The following C19orf67 variants were observed in gnomAD, a reference collection of about 807,000 sequenced individuals.
C19orf67 encodes UPF0575 protein C19orf67.
C19orf67 carries 28 observed loss-of-function variants against 41.4 expected under a neutral mutation model. The ratio of observed to expected loss-of-function variants is 0.68; its 90% CI spans 0.50 to 0.93. C19orf67 has a LOEUF of 0.93. Ranked by LOEUF, C19orf67 falls within the 40% of genes least tolerant of loss-of-function variation. C19orf67 has a pLI of 0.00. For missense variants in C19orf67, 421 were observed against 467.0 expected (o/e 0.90, Z 0.91); for synonymous variants, 242 against 203.4 (o/e 1.19, Z -1.62).
At chr19:14,082,037 G>A in intron 5 of C19orf67, 29 bp from the exon 6 acceptor site, 6 of 1,454,012 alleles carry the variant, frequency 4.1e-6, no homozygotes, top group Non-Finnish European at 5.4e-6. Context: ...GGATAGACAG[G>A]CCTGGACTTG....
Position 14,085,642 on chromosome 19 carries a change from G to A in C19orf67, c.-15C>T. 1 of 1,511,686 alleles carries A rather than the reference G, an allele frequency of 6.6e-7. No homozygotes were observed. Among genetic ancestry groups the A allele is most frequent in the South Asian group, 1.2e-5 (1 of 83,542 alleles). 93.6% of individuals were successfully genotyped at this position (1,511,686 alleles called of 1,614,324 possible). ...TCTGTAGCCATGGTAGGGCCGGGGGGCGGGAACCTGAGCTCTTTAAGCTTC... is the reference window on the plus strand; with the variant it reads ...TCTGTAGCCATGGTAGGGCCGGGGGACGGGAACCTGAGCTCTTTAAGCTTC... On this transcript the variant is annotated 5_prime_UTR_variant, in exon 1 of 6. Coordinates refer to ENST00000548523, the MANE Select transcript of C19orf67 (RefSeq NM_001277378.2).
At chr19:14,084,439 G>A (rs1336681218) in intron 1 of C19orf67, among the ~76,000 whole-genome samples, 3 of 150,524 alleles carry the variant, frequency 2.0e-5, no homozygotes, top group Non-Finnish European at 4.4e-5. Context: ...CCTGGGAGGC[G>A]GAGGTTGCAG....
At chr19:14,083,175 G>C (rs1976794925) in intron 4 of C19orf67, 62 bp downstream of exon 4, 2 of 1,417,086 alleles carry the variant, frequency 1.4e-6, no homozygotes, top group Non-Finnish European at 1.9e-6. Flanking sequence ...TGACGGTTTG[G>C]AGGGTCATAT....
rs1976846231 is a variant in C19orf67 at position 14,085,636 on chromosome 19, C to T, written c.-9G>A. On this transcript the variant is annotated 5_prime_UTR_variant, in exon 1 of 6. Transcript: ENST00000548523. The stretch of plus-strand genomic sequence containing the variant: ...CACTGCTCTGTAGCCATGGTAGGGC[C>T]GGGGGGCGGGAACCTGAGCTCTTTA... The T allele has an allele frequency of 3.9e-6, 5 of 1,290,468 alleles. No individual in the cohort carries two copies. The highest frequency in any genetic ancestry group is 1.3e-5 in the South Asian group (1 of 79,032). The allele number at this position is 1,290,468 out of a possible 1,614,324, so 79.9% of individuals were successfully genotyped here.
rs954182795 is a variant in C19orf67 at position 14,081,714 on chromosome 19, C to T, written c.*120G>A. The stretch of plus-strand genomic sequence containing the variant: ...CGGACTCGGTGCAGACAGGTCAGCT[C>T]GGCCTGGCCCTTTGGAAGGCGAGGC... On this transcript the variant is annotated 3_prime_UTR_variant, in exon 6 of 6. Transcript: ENST00000548523. 2.4e-5 allele frequency: 21 copies of T among 865,202 alleles called. No homozygotes were observed. Among genetic ancestry groups the T allele is most frequent in the Non-Finnish European group, 3.5e-5 (21 of 603,810 alleles). 53.6% of individuals were successfully genotyped at this position (865,202 alleles called of 1,614,324 possible).
Position 14,083,126 on chromosome 19 carries a change from C to T in C19orf67, c.767+111G>A, listed in dbSNP as rs1366986507. ...AAAGTGTTGGGATTACAGGCGTGAG[C>T]CACTGCCTCGGGCCCTGGCTCACTT... On this transcript the variant is annotated intron_variant, in intron 4 of 5. Transcript: ENST00000548523. 2.7e-5 allele frequency: 25 copies of T among 924,682 alleles called. No individual in the cohort carries two copies. In the South Asian group the frequency reaches 3.4e-4, roughly 13 times the overall value. 57.3% of individuals were successfully genotyped at this position (924,682 alleles called of 1,614,324 possible). A position where few individuals can be genotyped will look rare whatever the true frequency, so the allele number is the denominator to read the frequency against.
intron 4 of C19orf67, among the ~76,000 whole-genome samples, chr19:14,082,811 A>AGAG (rs1398438577): frequency 2.0e-5 from 3 of 151,656 alleles, no homozygotes; most frequent in Non-Finnish European, 4.4e-5. Context: ...TTAAGAAAAT[A>AGAG]GAGGTAGCCT....
Position 14,085,348 on chromosome 19 carries a change from G to T in C19orf67, c.280C>A (p.Gln94Lys). The T allele has an allele frequency of 6.5e-7, 1 of 1,536,230 alleles. No individual in the cohort carries two copies. Among genetic ancestry groups the T allele is most frequent in the Non-Finnish European group, 8.7e-7 (1 of 1,146,930 alleles). Residue 94 changes from glutamine to lysine, a missense_variant, in exon 1 of 6, where the codon CAG (glutamine) becomes AAG (lysine). Physicochemically the swap from Gln to Lys is moderately conservative, Grantham distance 53 (BLOSUM62 1). Transcript: ENST00000548523. ...LDTLFSPITQ[Q>K]LRYLLKKADD... ...GCCTTCTTCAGTAGGTAGCGCAGCT[G>T]TTGGGTGATGGGGCTGAACAAAGTG...
At chr19:14,082,429 C>T in intron 5 of C19orf67, 40 bp downstream of exon 5, 2 of 1,502,370 alleles carry the variant, frequency 1.3e-6, no homozygotes, top group Non-Finnish European at 1.8e-6. Flanking sequence ...GCCTCCCCCT[C>T]CAGCTCCCAG....
intron 5 of C19orf67, 111 bp from the exon 6 acceptor site, chr19:14,082,119 G>T: frequency 9.8e-7 from 1 of 1,017,120 alleles, no homozygotes; most frequent in Non-Finnish European, 1.4e-6. Flanking sequence ...TGTTTCAGCT[G>T]CGGGTGGGAA....
In C19orf67 at chr19:14,083,296, G is replaced by A; in HGVS notation, c.708C>T (p.Arg236=). The A allele has an allele frequency of 6.5e-7, 1 of 1,536,112 alleles. No homozygotes were observed. The highest frequency in any genetic ancestry group is 8.7e-7 in the Non-Finnish European group (1 of 1,146,912). The change falls in exon 4 of 6, where the codon CGC becomes CGT. Residue 236 remains arginine (R), a synonymous_variant. Transcript: ENST00000548523. The part of the protein sequence containing the change: ...RFPRYLYKKM[R]WHLEATPEAP... ...CCTCTGGGGTGGCTTCCAGGTGCCA[G>A]CGCATCTTCTTATAGAGGTAGCGGG... is the stretch of plus-strand genomic sequence containing the variant.
At chr19:14,082,155 T>G (rs531523451) in intron 5 of C19orf67, 147 bp from the exon 6 acceptor site, 1 of 744,352 alleles carries the variant, frequency 1.3e-6, no homozygotes, top group African/African-American at 1.8e-5. Context: ...ACTTGTTTCC[T>G]TGTTGATCAG....
At chr19:14,082,682 G>A in intron 4 of C19orf67, 79 bp from the exon 5 acceptor site, 1 of 1,396,600 alleles carries the variant, frequency 7.2e-7, no homozygotes, top group Non-Finnish European at 9.5e-7. Flanking sequence ...TTGGAGTTGA[G>A]GTGGGAACTC....
rs1380795469 is a variant in C19orf67 at position 14,082,634 on chromosome 19, G to C, written c.768-31C>G. 6.6e-6 allele frequency: 10 copies of C among 1,526,178 alleles called. No homozygotes were observed. The East Asian group carries it at 2.0e-4, about 30-fold the overall frequency. The allele number at this position is 1,526,178 out of a possible 1,614,324, so 94.5% of individuals were successfully genotyped here. A position where few individuals can be genotyped will look rare whatever the true frequency, so the allele number is the denominator to read the frequency against. On this transcript the variant is annotated intron_variant, in intron 4 of 5. Coordinates refer to ENST00000548523, the MANE Select transcript of C19orf67 (RefSeq NM_001277378.2). ...AGGGGAGGGAGCTGTAATTAGAAGT[G>C]ATCAGCTTCCTAGCTACTTCTGTTG...
At chr19:14,082,060 C>T in intron 5 of C19orf67, 52 bp from the exon 6 acceptor site, 3 of 1,384,234 alleles carry the variant, frequency 2.2e-6, no homozygotes, top group Non-Finnish European at 2.8e-6. Flanking sequence ...TGCCCCCTGC[C>T]CCTCGGGAGT....
rs1009842178 is a variant in C19orf67 at position 14,081,671 on chromosome 19, A to G, written c.*163T>C. ...ACACAAAACTGACGTGTCCGCATTC[A>G]GGGCCCCACGGCCAAGCCGGACTCG... On this transcript the variant is annotated 3_prime_UTR_variant, in exon 6 of 6. Transcript: ENST00000548523. The G allele has an allele frequency of 5.9e-6, 3 of 509,296 alleles. No homozygotes were observed. The highest frequency in any genetic ancestry group is 6.6e-6 in the Non-Finnish European group (2 of 300,912). The allele number at this position is 509,296 out of a possible 1,614,324, so 31.5% of individuals were successfully genotyped here.
rs756759972 is a variant in C19orf67 at position 14,083,404 on chromosome 19, G to A, written c.600C>T (p.Cys200=). 6.7e-5 allele frequency: 103 copies of A among 1,530,570 alleles called. No homozygotes were observed. The highest frequency in any genetic ancestry group is 8.7e-5 in the Non-Finnish European group (100 of 1,143,090). The allele number at this position is 1,530,570 out of a possible 1,614,324, so 94.8% of individuals were successfully genotyped here. ...MNPLSISCFF[C]GRFSISLSHE... is the part of the protein sequence containing the mutation. Reference sequence around the variant, plus strand: ...GGGACAGGCTGATGGAGAACCTCCCGCAAAAGAAACAGGAGATGCTGGCGA... The same window carrying A: ...GGGACAGGCTGATGGAGAACCTCCCACAAAAGAAACAGGAGATGCTGGCGA... Residue 200 remains cysteine, a synonymous_variant, in exon 4 of 6, where the codon TGC becomes TGT. Transcript: ENST00000548523.
chr19:14,085,692 G>A lies in C19orf67; in HGVS notation c.-65C>T, dbSNP rs114776565. 6.8e-5 allele frequency: 84 copies of A among 1,238,384 alleles called. No individual in the cohort carries two copies. The African/African-American group carries it at 8.6e-4, about 13-fold the overall frequency. The allele number at this position is 1,238,384 out of a possible 1,614,324, so 76.7% of individuals were successfully genotyped here. On this transcript the variant is annotated 5_prime_UTR_variant, in exon 1 of 6. Coordinates refer to ENST00000548523, the MANE Select transcript of C19orf67 (RefSeq NM_001277378.2). ...CCGCTGCTGCTCAGGTTGGCCGCGG[G>A]TTCGACCCCGCCCCGGGAGCCTCCG...
rs1215186823 is a variant in C19orf67, at chr19:14,085,451, A to C, written c.177T>G (p.Ala59=). Reference sequence around the variant, plus strand: ...GGGAAGACGTGGAGGCCCGGGCCTCAGCCAGCCGCCCCTCGGCATCTTCAG... The same window carrying C: ...GGGAAGACGTGGAGGCCCGGGCCTCCGCCAGCCGCCCCTCGGCATCTTCAG... ...PDPEDAEGRL[A]EARASTSSPK... is the part of the protein sequence containing the mutation. The change falls in exon 1 of 6, where the codon GCT becomes GCG. Residue 59 remains alanine, a synonymous_variant. Coordinates refer to ENST00000548523, the MANE Select transcript of C19orf67 (RefSeq NM_001277378.2). The C allele has an allele frequency of 7.2e-6, 11 of 1,535,456 alleles. No individual in the cohort carries two copies. The East Asian group carries it at 2.7e-4, about 38-fold the overall frequency.
Sources: allele counts gnomAD v4.1 joint callset (sites outside exome capture counted in the v4.1 genomes callset), GRCh38; gene constraint gnomAD v4.1.1; transcripts MANE v1.5; gene names NCBI Gene and HGNC (gene_info 2026-07-23, HGNC 2026-07-21).